Variants in NR3C2 observed in about 807,000 individuals in gnomAD.
NR3C2 encodes the protein mineralocorticoid receptor.
In NR3C2, 15 loss-of-function variants were observed where a neutral mutation model predicts 86.4. The observed-to-expected ratio is 0.17, with a 90% CI of 0.12 to 0.27. The LOEUF (loss-of-function observed/expected upper bound fraction) is 0.27. NR3C2 is among the 10% of genes least tolerant of loss of function. NR3C2 has a pLI of 1.00. For missense variants in NR3C2, 960 were observed against 1,195.6 expected (o/e 0.80, Z 2.91); for synonymous variants, 458 against 450.5 (o/e 1.02, Z -0.21).
chr4:148,324,146 A>G (rs1743817073), intron 2 of NR3C2, among the ~76,000 whole-genome samples: 3 of 152,180 alleles, frequency 2.0e-5, no homozygotes, highest in Admixed American at 2.0e-4. Context: ...AACCTGAGAA[A>G]GACTATACAT....
rs369872453 is a variant in NR3C2 at position 148,138,113 on chromosome 4, A to G, written c.2510+14356T>C. 8.5e-5 allele frequency among the ~76,000 whole-genome samples: 13 copies of G among 152,320 alleles called. No homozygotes were observed. In the East Asian group the frequency reaches 2.3e-3, roughly 27 times the overall value. ...AGAGCGTAAAGGGTCCTGAGAACAC[A>G]CTGTTTACAAACTGCTGGTCTGGGC... On this transcript the variant is annotated intron_variant, in intron 6 of 8. Coordinates refer to ENST00000358102, the MANE Select transcript of NR3C2 (RefSeq NM_000901.5).
intron 2 of NR3C2, among the ~76,000 whole-genome samples, chr4:148,294,262 G>A (rs1741941520): frequency 6.6e-6 from 1 of 152,152 alleles, no homozygotes; most frequent in South Asian, 2.1e-4. Context: ...AGGACTAGCT[G>A]AGACAAATGC....
chr4:148,384,635 G>T (rs1747174184), intron 2 of NR3C2, among the ~76,000 whole-genome samples: 1 of 152,076 alleles, frequency 6.6e-6, no homozygotes, highest in Non-Finnish European at 1.5e-5. Context: ...GGTTCTTCTT[G>T]TTCTATTTAG....
At chr4:148,191,714 G>A (rs1290008238) in intron 4 of NR3C2, among the ~76,000 whole-genome samples, 2 of 152,138 alleles carry the variant, frequency 1.3e-5, no homozygotes. Context: ...GTTGGATTGG[G>A]TTAATTTAAA....
intron 8 of NR3C2, among the ~76,000 whole-genome samples, chr4:148,083,286 C>T (rs539554762): frequency 6.6e-6 from 1 of 152,296 alleles, no homozygotes; most frequent in East Asian, 1.9e-4. Flanking sequence ...GACAAAGAGA[C>T]ACCTCATACA....
At chr4:148,252,871 T>C (rs188141491) in intron 3 of NR3C2, among the ~76,000 whole-genome samples, 2 of 152,164 alleles carry the variant, frequency 1.3e-5, no homozygotes, top group Non-Finnish European at 2.9e-5. Context: ...GTGAGCCACC[T>C]TGGATTATTT....
chr4:148,394,374 G>GA (rs139100024), intron 2 of NR3C2, among the ~76,000 whole-genome samples: 2,780 of 145,594 alleles, frequency 0.019, 81 homozygotes, highest in African/African-American at 0.062. Flanking sequence ...GTACTATCTT[G>GA]AAAAAAAAAA....
intron 2 of NR3C2, among the ~76,000 whole-genome samples, chr4:148,323,735 G>C (rs1029912801): frequency 2.6e-5 from 4 of 152,034 alleles, no homozygotes; most frequent in South Asian, 2.1e-4. Context: ...GCCCTGCTTC[G>C]GCTCGCACAC....
chr4:148,368,051 C>T lies in NR3C2; in HGVS notation c.1757+67053G>A, dbSNP rs188008721. On this transcript the variant is annotated intron_variant, in intron 2 of 8. Transcript: ENST00000358102. ...CTTAAACTTCTTCCCCTCCCTTGGG[C>T]GCCACCATCCATCAGTTCCATATCT... Among the ~76,000 whole-genome samples the T allele has an allele frequency of 1.1e-4, 16 of 152,156 alleles. 1 individual carries two copies. In the East Asian group the frequency reaches 1.9e-3, roughly 18 times the overall value.
intron 3 of NR3C2, among the ~76,000 whole-genome samples, chr4:148,227,299 G>C (rs192888185): frequency 6.6e-6 from 1 of 152,184 alleles, no homozygotes; most frequent in Admixed American, 6.5e-5. Flanking sequence ...ATTCAACTTA[G>C]GCATTTTTGG....
chr4:148,146,538 A>G (rs1455652257), intron 6 of NR3C2: 4 of 152,424 alleles, frequency 2.6e-5, no homozygotes, highest in Non-Finnish European at 4.4e-5. Context: ...GACTGGGGAC[A>G]CAAAGAAACA....
At chr4:148,176,605 A>T (rs948992175) in intron 4 of NR3C2, among the ~76,000 whole-genome samples, 1 of 152,228 alleles carries the variant, frequency 6.6e-6, no homozygotes, top group African/African-American at 2.4e-5. Context: ...GGCCATTATC[A>T]ACACTGAAGG....
rs1352145330 is a variant in NR3C2 at position 148,079,652 on chromosome 4, C to CA, written c.*1691dup. On this transcript the variant is annotated 3_prime_UTR_variant, in exon 9 of 9. Transcript: ENST00000358102. ...TTGTGATTTGGGGCAAGAGAAAAGC[C>CA]ATACATTGCATCAGTGCCAAACAAA... 6.6e-6 allele frequency: 1 copy of CA among 152,468 alleles called. No individual in the cohort carries two copies. The highest frequency in any genetic ancestry group is 1.5e-5 in the Non-Finnish European group (1 of 68,038). The allele number at this position is 152,468 out of a possible 1,614,324, so 9.4% of individuals were successfully genotyped here.
At chr4:148,318,036 C>G (rs1286027842) in intron 2 of NR3C2, among the ~76,000 whole-genome samples, 1 of 130,200 alleles carries the variant, frequency 7.7e-6, no homozygotes, top group Non-Finnish European at 1.6e-5. Context: ...TCCCCCCACC[C>G]CACAACAGTC....
At chr4:148,136,501 T>C (rs1324751133) in intron 6 of NR3C2, among the ~76,000 whole-genome samples, 1 of 152,146 alleles carries the variant, frequency 6.6e-6, no homozygotes, top group Non-Finnish European at 1.5e-5. Flanking sequence ...TCCCCTTTCC[T>C]GCTCAGGTAC....
intron 2 of NR3C2, among the ~76,000 whole-genome samples, chr4:148,320,919 G>A (rs1398139625): frequency 4.0e-5 from 6 of 148,760 alleles, no homozygotes; most frequent in African/African-American, 9.9e-5. Flanking sequence ...CCTTCTGCTA[G>A]CTTTTGAATG....
At position 148,324,328 on chromosome 4, in the gene NR3C2, CCT is replaced by C. The variant is rs1343813382; in HGVS notation, c.1758-64213_1758-64212del. On this transcript the variant is annotated intron_variant, in intron 2 of 8. Coordinates refer to ENST00000358102, the MANE Select transcript of NR3C2 (RefSeq NM_000901.5). The stretch of plus-strand genomic sequence containing the variant: ...TTCTTTTTTAAGACTGAATAATATT[CCT>C]CTGTGTGTGTGTGTGTGTGTGTGTG... Among the ~76,000 whole-genome samples the C allele has an allele frequency of 8.3e-5, 11 of 132,622 alleles. No individual in the cohort carries two copies. In the East Asian group the frequency reaches 8.4e-4, roughly 10 times the overall value. The allele number at this position is 132,622 out of a possible 152,430, so 87.0% of individuals were successfully genotyped here.
intron 3 of NR3C2, among the ~76,000 whole-genome samples, chr4:148,201,777 C>A (rs1736732171): frequency 2.6e-5 from 4 of 152,180 alleles, no homozygotes; most frequent in Admixed American, 2.6e-4. Flanking sequence ...TGTTCTATGA[C>A]ATCTACAGAT....
intron 2 of NR3C2, among the ~76,000 whole-genome samples, chr4:148,389,768 C>T (rs562640731): frequency 8.6e-5 from 13 of 151,646 alleles, no homozygotes; most frequent in Non-Finnish European, 1.6e-4. Flanking sequence ...CTTACATATA[C>T]ATTATTTCAT....
Sources: gnomAD v4.1 joint callset for allele counts (sites outside exome capture counted in the v4.1 genomes callset) on GRCh38, gnomAD v4.1.1 for gene constraint, MANE v1.5 for transcripts, NCBI Gene and HGNC (gene_info 2026-07-23, HGNC 2026-07-21) for gene names.